PCDHGA12: variants seen among roughly 807,000 people sequenced by gnomAD.
PCDHGA12 encodes protocadherin gamma-A12.
In PCDHGA12, 43 loss-of-function variants were observed where a neutral mutation model predicts 61.1. That is an observed-to-expected ratio of 0.70 (90% CI 0.55 to 0.91). PCDHGA12 has a LOEUF of 0.91. Among genes scored for constraint, PCDHGA12 ranks in the 40% least tolerant of loss-of-function variants. The pLI, the probability that PCDHGA12 is intolerant of heterozygous loss-of-function variation, is 0.00. For synonymous variants in PCDHGA12, 520 were observed against 542.9 expected, an observed-to-expected ratio of 0.96 and a Z score of 0.59; for missense variants, 1,236 against 1,227.7, an observed-to-expected ratio of 1.01 and a Z score of -0.10.
chr5:141,494,556 T>C (rs909822734), intron 1 of PCDHGA12, among the ~76,000 whole-genome samples: 18 of 152,120 alleles, frequency 1.2e-4, no homozygotes, highest in African/African-American at 4.3e-4. Context: ...GCCATTTCTT[T>C]AGGAAAGGAG....
At chr5:141,451,004 T>A (rs2098704048) in intron 1 of PCDHGA12, among the ~76,000 whole-genome samples, 1 of 151,474 alleles carries the variant, frequency 6.6e-6, no homozygotes, top group South Asian at 2.1e-4. Flanking sequence ...TTTTTGTATT[T>A]TTTTTAGTAG....
At chr5:141,459,938 C>T (rs373341229) in intron 1 of PCDHGA12, among the ~76,000 whole-genome samples, 4 of 152,148 alleles carry the variant, frequency 2.6e-5, no homozygotes, top group African/African-American at 4.8e-5. Context: ...TGTAGCTGGG[C>T]GTGATGGCAG....
rs760574214 is a variant in PCDHGA12, at chr5:141,433,179, T to C, written c.2420T>C (p.Ile807Thr). 1.2e-5 allele frequency: 20 copies of C among 1,608,614 alleles called. No individual in the cohort carries two copies. Among genetic ancestry groups the C allele is most frequent in the Admixed American group, 1.7e-5 (1 of 58,688 alleles). ...TTTTCTAAAGACAGTCATGGGTTAA[T>C]TGAGGTGAGTTTATATCAAATCTTC... is the stretch of plus-strand genomic sequence containing the variant. ...SVFSKDSHGL[I>T]EQAPPNTDWR... is the part of the protein sequence containing the mutation. Residue 807 changes from isoleucine to threonine, a missense_variant, in exon 1 of 4, where the codon ATT (isoleucine) becomes ACT (threonine). Ile to Thr is a moderately conservative substitution (Grantham distance 89). Transcript: ENST00000252085.
At chr5:141,492,468 G>A (rs927514972) in intron 1 of PCDHGA12, among the ~76,000 whole-genome samples, 1 of 152,232 alleles carries the variant, frequency 6.6e-6, no homozygotes, top group Admixed American at 6.5e-5. Flanking sequence ...GAGGGTCCCA[G>A]ATCGCGGCCG....
At chr5:141,451,926 T>G (rs994841982) in intron 1 of PCDHGA12, among the ~76,000 whole-genome samples, 5 of 151,122 alleles carry the variant, frequency 3.3e-5, no homozygotes, top group Non-Finnish European at 7.4e-5. Context: ...GGAAGGGAGG[T>G]AGGGAGGCAG....
chr5:141,477,629 C>T lies in PCDHGA12; in HGVS notation c.2425-17178C>T, dbSNP rs1191573380. 6.2e-7 allele frequency: 1 copy of T among 1,614,158 alleles called. No homozygotes were observed. Reference sequence around the variant, plus strand: ...CTTGGAGCAAGGAGCTGAAACCGGGCTAGTGGGTCGCTATTTCACAATAAA... The same window carrying T: ...CTTGGAGCAAGGAGCTGAAACCGGGTTAGTGGGTCGCTATTTCACAATAAA... On this transcript the variant is annotated intron_variant, in intron 1 of 3. Coordinates refer to ENST00000252085, the MANE Select transcript of PCDHGA12 (RefSeq NM_003735.3). The surrounding 1 kb of genome is among the most constrained non-coding windows in gnomAD (Gnocchi z 4.9).
chr5:141,505,528 C>T (rs746609783), intron 3 of PCDHGA12, 47 bp downstream of exon 3: 4 of 1,612,320 alleles, frequency 2.5e-6, no homozygotes, highest in Non-Finnish European at 3.4e-6. Context: ...ACCTGGGGTT[C>T]TGGGGTGCAT....
At chr5:141,468,739 G>A (rs1167211344) in intron 1 of PCDHGA12, among the ~76,000 whole-genome samples, 5 of 152,000 alleles carry the variant, frequency 3.3e-5, no homozygotes, top group African/African-American at 1.2e-4. Context: ...GGTGGCGGGT[G>A]CCTGTAGTCC....
rs2099746956 is a variant in PCDHGA12 at position 141,493,207 on chromosome 5, A to C, written c.2425-1600A>C. Among the ~76,000 whole-genome samples, 1 of 152,152 alleles carries C rather than the reference A, an allele frequency of 6.6e-6. No individual in the cohort carries two copies. The highest frequency in any genetic ancestry group is 2.4e-5 in the African/African-American group (1 of 41,442). On this transcript the variant is annotated intron_variant, in intron 1 of 3. Coordinates refer to ENST00000252085, the MANE Select transcript of PCDHGA12 (RefSeq NM_003735.3). The surrounding 1 kb of genome is among the most constrained non-coding windows in gnomAD (Gnocchi z 4.3). ...ATAACTCCTTTGAGAACCTCATCTC[A>C]TTTGCTCTTCCCACCATTGCTGTTG...
chr5:141,488,980 C>A, intron 1 of PCDHGA12: 1 of 392,340 alleles, frequency 2.5e-6, no homozygotes, highest in Non-Finnish European at 4.5e-6. Flanking sequence ...CAATCAGACT[C>A]AGAGCTGAGG....
intron 1 of PCDHGA12, among the ~76,000 whole-genome samples, chr5:141,463,944 T>C (rs1454454223): frequency 3.3e-5 from 5 of 152,158 alleles, no homozygotes; most frequent in African/African-American, 4.8e-5. Flanking sequence ...TTTATAGAAA[T>C]CTTCATTTTT....
In PCDHGA12 at chr5:141,431,955, GA is replaced by G; in HGVS notation, c.1199del (p.Asn400IlefsTer5). ...NLPFKLEKSY[G>X]NYYSLVTDIV... ...CCCTTTAAATTAGAAAAATCTTACG[GA>G]AATTACTATAGTTTAGTCACAGACA... On this transcript the variant is annotated frameshift_variant, in exon 1 of 4. Coordinates refer to ENST00000252085, the MANE Select transcript of PCDHGA12 (RefSeq NM_003735.3). LOFTEE classifies it high-confidence loss of function. The surrounding 1 kb of genome is among the most constrained non-coding windows in gnomAD (Gnocchi z 4.8). The G allele has an allele frequency of 6.2e-7, 1 of 1,614,142 alleles. No homozygotes were observed. Among genetic ancestry groups the G allele is most frequent in the Non-Finnish European group, 8.5e-7 (1 of 1,180,024 alleles).
At position 141,485,698 on chromosome 5, in the gene PCDHGA12, T is replaced by C. The variant is rs1175015922; in HGVS notation, c.2425-9109T>C. ...TTAGCAGCTATAGGCTGAGCTCCAA[T>C]GAACACTTTGCACTGGATGTGAAGA... On this transcript the variant is annotated intron_variant, in intron 1 of 3. Transcript: ENST00000252085. This position sits in a 1 kb window ranked among gnomAD's most constrained non-coding sequence, Gnocchi z 5.7. 6.2e-7 allele frequency: 1 copy of C among 1,613,994 alleles called. No homozygotes were observed. The highest frequency in any genetic ancestry group is 8.5e-7 in the Non-Finnish European group (1 of 1,180,002).
Position 141,485,746 on chromosome 5 carries a change from C to T in PCDHGA12, c.2425-9061C>T, listed in dbSNP as rs1297635523. ...AGAAGCGCAGCGACGGCAGCCTGGT[C>T]CCAGAGCTGCTCCTGGAGAAGCCTT... On this transcript the variant is annotated intron_variant, in intron 1 of 3. Coordinates refer to ENST00000252085, the MANE Select transcript of PCDHGA12 (RefSeq NM_003735.3). The surrounding 1 kb of genome is among the most constrained non-coding windows in gnomAD (Gnocchi z 5.7). 6.2e-7 allele frequency: 1 copy of T among 1,614,128 alleles called. No individual in the cohort carries two copies. The highest frequency in any genetic ancestry group is 2.2e-5 in the East Asian group (1 of 44,880).
chr5:141,463,184 T>A (rs62379194), intron 1 of PCDHGA12, among the ~76,000 whole-genome samples: 5,135 of 152,236 alleles, frequency 0.034, 100 homozygotes, highest in Middle Eastern at 0.088. Context: ...CTCAGATTAT[T>A]ATTTAGCCAA....
At chr5:141,456,700 C>T (rs1420857227) in intron 1 of PCDHGA12, among the ~76,000 whole-genome samples, 1 of 152,060 alleles carries the variant, frequency 6.6e-6, no homozygotes, top group Admixed American at 6.6e-5. Flanking sequence ...CGTGGTGGCT[C>T]GCGCCTGTAA....
chr5:141,444,467 G>C (rs1288596542), intron 1 of PCDHGA12, among the ~76,000 whole-genome samples: 2 of 151,998 alleles, frequency 1.3e-5, no homozygotes, highest in Admixed American at 6.6e-5. Flanking sequence ...CACTGCGCCC[G>C]GTCGCGTACT....
intron 1 of PCDHGA12, among the ~76,000 whole-genome samples, chr5:141,468,791 G>A (rs941787269): frequency 2.6e-5 from 4 of 151,954 alleles, no homozygotes; most frequent in East Asian, 3.9e-4. Context: ...GCGTGAACCC[G>A]GGAGGCGGAA....
chr5:141,484,266 T>G (rs2099593967), intron 1 of PCDHGA12, among the ~76,000 whole-genome samples: 1 of 152,220 alleles, frequency 6.6e-6, no homozygotes, highest in Non-Finnish European at 1.5e-5. Flanking sequence ...ACACTGATTC[T>G]TTACTGTTTT....
Sources: gnomAD v4.1 joint callset for allele counts (sites outside exome capture counted in the v4.1 genomes callset) on GRCh38, gnomAD v4.1.1 for gene constraint, Gnocchi (gnomAD v3.1) non-coding constraint, MANE v1.5 for transcripts, NCBI Gene and HGNC (gene_info 2026-07-23, HGNC 2026-07-21) for gene names.